Variants in EYA1 observed in about 807,000 individuals in gnomAD.
EYA1 encodes EYA transcriptional coactivator and phosphatase 1.
Under a neutral mutation model 82.0 loss-of-function variants are expected in EYA1, and 16 were observed. That is an observed-to-expected ratio of 0.20 (90% confidence interval 0.13 to 0.30). The LOEUF is 0.30. Among genes scored for constraint, EYA1 ranks in the 10% least tolerant of loss-of-function variants. The pLI is 1.00. For missense variants in EYA1, 633 were observed against 730.7 expected (o/e 0.87, Z 1.54); for synonymous variants, 261 against 264.4 (o/e 0.99, Z 0.12).
chr8:71,435,059 TTAAG>T (rs1034855323), intron 2 of EYA1, among the ~76,000 whole-genome samples: 12 of 152,128 alleles, frequency 7.9e-5, no homozygotes, highest in African/African-American at 2.7e-4. Context: ...AATGCATCTT[TTAAG>T]TAAGTAAGTC....
intron 3 of EYA1, among the ~76,000 whole-genome samples, chr8:71,342,921 T>C (rs990472064): frequency 3.9e-5 from 6 of 152,290 alleles, no homozygotes; most frequent in African/African-American, 1.4e-4. Flanking sequence ...CATCACAAAA[T>C]AGAGAGATAA....
intron 6 of EYA1, among the ~76,000 whole-genome samples, chr8:71,320,677 G>T (rs932503137): frequency 8.6e-5 from 13 of 151,962 alleles, no homozygotes; most frequent in African/African-American, 3.1e-4. Flanking sequence ...TAGATTATTT[G>T]TATATATTTT....
chr8:71,254,738 A>G (rs1351478182), intron 11 of EYA1, among the ~76,000 whole-genome samples: 3 of 152,196 alleles, frequency 2.0e-5, no homozygotes, highest in Non-Finnish European at 2.9e-5. Context: ...TTAGGCAAGA[A>G]TAACAAATAA....
chr8:71,285,301 A>G (rs1227426566), intron 9 of EYA1, among the ~76,000 whole-genome samples: 2 of 152,242 alleles, frequency 1.3e-5, no homozygotes, highest in African/African-American at 4.8e-5. Context: ...GAACAAGTGT[A>G]GGGAAACATA....
intron 12 of EYA1, among the ~76,000 whole-genome samples, chr8:71,231,150 A>C (rs1481841998): frequency 6.6e-6 from 1 of 152,222 alleles, no homozygotes; most frequent in Non-Finnish European, 1.5e-5. Context: ...TCCTACCCAG[A>C]CTACTTTCTC....
At chr8:71,332,889 T>C (rs527968309) in intron 4 of EYA1, among the ~76,000 whole-genome samples, 18 of 152,320 alleles carry the variant, frequency 1.2e-4, no homozygotes, top group Non-Finnish European at 2.4e-4. Flanking sequence ...AGTGTCCATT[T>C]GTCCAGCATC....
chr8:71,257,033 A>G (rs1279937963), intron 11 of EYA1, among the ~76,000 whole-genome samples: 1 of 152,158 alleles, frequency 6.6e-6, no homozygotes, highest in Non-Finnish European at 1.5e-5. Flanking sequence ...AATTTTAAAT[A>G]TAACTATTGG....
intron 4 of EYA1, among the ~76,000 whole-genome samples, chr8:71,323,062 A>C (rs1822760493): frequency 6.6e-6 from 1 of 152,198 alleles, no homozygotes; most frequent in Non-Finnish European, 1.5e-5. Flanking sequence ...TTTGAACTGA[A>C]GAAGCAAAAA....
intron 2 of EYA1, among the ~76,000 whole-genome samples, chr8:71,501,546 G>C (rs1394246544): frequency 6.6e-6 from 1 of 152,138 alleles, no homozygotes; most frequent in Non-Finnish European, 1.5e-5. Flanking sequence ...ATGATTGAAA[G>C]CATAAACCAG....
chr8:71,408,485 G>A (rs866566934), intron 2 of EYA1, among the ~76,000 whole-genome samples: 7,998 of 108,042 alleles, frequency 0.074, 1,079 homozygotes, highest in African/African-American at 0.27. Flanking sequence ...CCCATCTCAC[G>A]TGCAGAGACA....
chr8:71,306,701 G>C (rs1014914616), intron 7 of EYA1, among the ~76,000 whole-genome samples: 1 of 151,948 alleles, frequency 6.6e-6, no homozygotes, highest in Non-Finnish European at 1.5e-5. Flanking sequence ...ATCCTTCAAG[G>C]CCTCACCCAA....
intron 11 of EYA1, 141 bp downstream of exon 11, chr8:71,269,599 C>CAT: frequency 7.2e-6 from 4 of 556,308 alleles, no homozygotes; most frequent in Non-Finnish European, 1.2e-5. Context: ...TTTTACCTTA[C>CAT]ATATATATAT....
intron 6 of EYA1, among the ~76,000 whole-genome samples, chr8:71,318,998 T>G (rs1476075497): frequency 6.6e-6 from 1 of 152,114 alleles, no homozygotes; most frequent in Non-Finnish European, 1.5e-5. Flanking sequence ...CCCAGACAGG[T>G]GGCATGATGG....
intron 9 of EYA1, among the ~76,000 whole-genome samples, chr8:71,281,289 C>T (rs1817787446): frequency 6.6e-6 from 1 of 152,158 alleles, no homozygotes; most frequent in African/African-American, 2.4e-5. Context: ...ACCTCATACT[C>T]ACAATGGGCT....
chr8:71,294,459 AAAAC>A (rs144271740), intron 9 of EYA1, among the ~76,000 whole-genome samples: 1 of 135,120 alleles, frequency 7.4e-6, no homozygotes, highest in Non-Finnish European at 1.7e-5. Flanking sequence ...TCCGTCTCAA[AAAAC>A]AAACAAACAA....
chr8:71,355,011 G>T lies in EYA1; in HGVS notation c.-4-102C>A, dbSNP rs1232393267. 2.6e-6 allele frequency: 3 copies of T among 1,173,616 alleles called. No homozygotes were observed. In the African/African-American group the frequency reaches 4.5e-5, roughly 18 times the overall value. 72.7% of individuals were successfully genotyped at this position (1,173,616 alleles called of 1,614,324 possible). A position where few individuals can be genotyped will look rare whatever the true frequency, so the allele number is the denominator to read the frequency against. On this transcript the variant is annotated intron_variant, in intron 2 of 17. Transcript: ENST00000340726. ...ACCTTTGAAACACACTTGCACAAAA[G>T]TCCCATTGTATCTATTTCTTAGACT... is the stretch of plus-strand genomic sequence containing the variant.
intron 1 of EYA1, among the ~76,000 whole-genome samples, chr8:71,542,251 T>C (rs1359582087): frequency 1.3e-5 from 2 of 152,122 alleles, no homozygotes; most frequent in African/African-American, 2.4e-5. Flanking sequence ...CCAGGGTGTG[T>C]TGTTCCCCTT....
chr8:71,538,283 G>A (rs751219633), intron 1 of EYA1, among the ~76,000 whole-genome samples: 25 of 152,004 alleles, frequency 1.6e-4, no homozygotes, highest in Admixed American at 2.6e-4. Flanking sequence ...TGTCTCCCCC[G>A]CTAGACTGTA....
At chr8:71,515,479 A>C (rs1056459885) in intron 2 of EYA1, among the ~76,000 whole-genome samples, 73 of 138,526 alleles carry the variant, frequency 5.3e-4, no homozygotes, top group Non-Finnish European at 9.8e-4. Context: ...TCTCAATATC[A>C]AAAAAAAAAG....
Sources: gnomAD v4.1 joint callset for allele counts (sites outside exome capture counted in the v4.1 genomes callset) on GRCh38, gnomAD v4.1.1 for gene constraint, MANE v1.5 for transcripts, NCBI Gene and HGNC (gene_info 2026-07-23, HGNC 2026-07-21) for gene names.